The following TBC1D32 variants were observed in gnomAD, a reference collection of about 807,000 sequenced individuals.
The protein encoded by TBC1D32 is protein broad-minded.
A neutral mutation model predicts 170.3 loss-of-function variants in TBC1D32; 151 were observed. That is an observed-to-expected ratio of 0.89 (90% CI 0.78 to 1.01). TBC1D32 has a LOEUF of 1.01. Among genes scored for constraint, TBC1D32 ranks in the 50% least tolerant of loss-of-function variants. The pLI, the probability that TBC1D32 is intolerant of heterozygous loss-of-function variation, is 0.00. For missense variants in TBC1D32, 1,464 were observed against 1,457.1 expected (o/e 1.00, Z -0.08); for synonymous variants, 498 against 488.0 (o/e 1.02, Z -0.27).
At chr6:121,228,760 A>T (rs1795360053) in intron 20 of TBC1D32, among the ~76,000 whole-genome samples, 1 of 152,122 alleles carries the variant, frequency 6.6e-6, no homozygotes, top group African/African-American at 2.4e-5. Flanking sequence ...TCAAATGGTT[A>T]ATAGTGGTAT....
intron 30 of TBC1D32, among the ~76,000 whole-genome samples, chr6:121,100,704 A>C (rs1777940626): frequency 6.6e-6 from 1 of 152,104 alleles, no homozygotes; most frequent in Admixed American, 6.6e-5. Flanking sequence ...AACACATTCA[A>C]AAGCTAGCAG....
intron 15 of TBC1D32, among the ~76,000 whole-genome samples, chr6:121,274,938 A>T (rs1802017749): frequency 6.6e-6 from 1 of 152,218 alleles, no homozygotes; most frequent in African/African-American, 2.4e-5. Flanking sequence ...CTGCAGTGAC[A>T]GCTAAGTACA....
At chr6:121,268,692 A>G (rs1186215935) in intron 15 of TBC1D32, among the ~76,000 whole-genome samples, 2 of 152,146 alleles carry the variant, frequency 1.3e-5, no homozygotes, top group Non-Finnish European at 1.5e-5. Context: ...GTTCTTCAGG[A>G]TATTATCCAG....
chr6:121,136,625 T>C (rs1782112836), intron 24 of TBC1D32, among the ~76,000 whole-genome samples: 1 of 151,936 alleles, frequency 6.6e-6, no homozygotes. Context: ...CGAAAAAAAT[T>C]AATGGTAGTA....
At position 121,299,476 on chromosome 6, in the gene TBC1D32, T is replaced by G; in HGVS notation, c.1110A>C (p.Leu370Phe). The change falls in exon 10 of 32, where the codon TTA becomes TTC. Residue 370 changes from leucine to phenylalanine, a missense_variant. Physicochemically the swap from Leu to Phe is conservative, Grantham distance 22. Coordinates refer to ENST00000398212, the MANE Select transcript of TBC1D32 (RefSeq NM_152730.6). ...ACTTATATTTCGTTTCAAGAAGTCTTAATACTGTAGTTCTGCTATAATGTG... is the reference window on the plus strand; with the variant it reads ...ACTTATATTTCGTTTCAAGAAGTCTGAATACTGTAGTTCTGCTATAATGTG... ...MHAHYSRTTV[L>F]RLLETKYKSL... is the part of the protein sequence containing the mutation. The G allele has an allele frequency of 6.6e-7, 1 of 1,512,744 alleles. No homozygotes were observed. The highest frequency in any genetic ancestry group is 9.0e-7 in the Non-Finnish European group (1 of 1,105,218). 93.7% of individuals were successfully genotyped at this position (1,512,744 alleles called of 1,614,324 possible). A position where few individuals can be genotyped will look rare whatever the true frequency, so the allele number is the denominator to read the frequency against.
At chr6:121,162,162 T>C (rs1000434844) in intron 22 of TBC1D32, among the ~76,000 whole-genome samples, 2 of 152,214 alleles carry the variant, frequency 1.3e-5, no homozygotes, top group Non-Finnish European at 2.9e-5. Flanking sequence ...ACTCTGATGA[T>C]AGTTTATTTT....
At chr6:121,282,099 G>T (rs1200555622) in intron 13 of TBC1D32, among the ~76,000 whole-genome samples, 1 of 151,250 alleles carries the variant, frequency 6.6e-6, no homozygotes. Context: ...TGAGCCTACA[G>T]GAAAATTACA....
chr6:121,177,311 G>A (rs946785304), intron 22 of TBC1D32, among the ~76,000 whole-genome samples: 1 of 152,040 alleles, frequency 6.6e-6, no homozygotes, highest in African/African-American at 2.4e-5. Context: ...GAGTTCTCAT[G>A]AGATCTGGTT....
intron 24 of TBC1D32, among the ~76,000 whole-genome samples, chr6:121,136,410 A>G (rs1782082702): frequency 6.6e-6 from 1 of 152,190 alleles, no homozygotes; most frequent in Non-Finnish European, 1.5e-5. Context: ...TTTGCTCCCC[A>G]GGGAACATTT....
intron 24 of TBC1D32, among the ~76,000 whole-genome samples, chr6:121,147,107 TA>T (rs1257443317): frequency 1.3e-5 from 2 of 152,224 alleles, no homozygotes; most frequent in Non-Finnish European, 2.9e-5. Context: ...GCACTTAGAA[TA>T]ATGGCATCCA....
intron 30 of TBC1D32, among the ~76,000 whole-genome samples, chr6:121,092,137 T>G (rs1776867597): frequency 6.6e-6 from 1 of 152,086 alleles, no homozygotes; most frequent in South Asian, 2.1e-4. Context: ...ATTTCTGTTG[T>G]TTTTAGCCAC....
At position 121,174,849 on chromosome 6, in the gene TBC1D32, AG is replaced by A. The variant is rs1787538405; in HGVS notation, c.2571-13794del. On this transcript the variant is annotated intron_variant, in intron 22 of 31. Transcript: ENST00000398212. ...AATTCGAGGCCAGCCTGGGCAACATAGCAAAACCTGTCTCTATTAAAAATAC... is the reference window on the plus strand; with the variant it reads ...AATTCGAGGCCAGCCTGGGCAACATACAAAACCTGTCTCTATTAAAAATAC... Among the ~76,000 whole-genome samples the A allele has an allele frequency of 1.3e-5, 2 of 152,090 alleles. 1 individual carries two copies. The highest frequency in any genetic ancestry group is 4.2e-4 in the South Asian group (2 of 4,816).
At chr6:121,139,125 A>C (rs785398) in intron 24 of TBC1D32, among the ~76,000 whole-genome samples, 150,547 of 152,268 alleles carry the variant, frequency 0.99, 74,454 homozygotes, top group East Asian at 1. Context: ...GGATTACAGG[A>C]GTGAGCTACC....
chr6:121,114,191 C>G (rs571622276), intron 27 of TBC1D32, among the ~76,000 whole-genome samples: 6 of 152,128 alleles, frequency 3.9e-5, no homozygotes, highest in African/African-American at 1.4e-4. Context: ...CACACAAAAT[C>G]TCTTTGCTCG....
chr6:121,221,003 ATAG>A (rs1794454194), intron 21 of TBC1D32, among the ~76,000 whole-genome samples: 2 of 151,608 alleles, frequency 1.3e-5, no homozygotes, highest in African/African-American at 2.4e-5. Flanking sequence ...TAGGATTTTC[ATAG>A]CTAGAAAGGA....
intron 1 of TBC1D32, among the ~76,000 whole-genome samples, chr6:121,333,015 C>T (rs1485825729): frequency 6.6e-6 from 1 of 152,058 alleles, no homozygotes; most frequent in Non-Finnish European, 1.5e-5. Context: ...AAATACTCCC[C>T]CTATAAAACT....
intron 25 of TBC1D32, among the ~76,000 whole-genome samples, chr6:121,127,875 A>G (rs1781020449): frequency 6.6e-6 from 1 of 152,194 alleles, no homozygotes; most frequent in South Asian, 2.1e-4. Context: ...GCTACACGCT[A>G]TGTATTTAAG....
At chr6:121,153,475 G>C (rs1225174897) in intron 24 of TBC1D32, among the ~76,000 whole-genome samples, 1 of 152,150 alleles carries the variant, frequency 6.6e-6, no homozygotes, top group Non-Finnish European at 1.5e-5. Flanking sequence ...TGGGGTCAGG[G>C]ACCCACTTGA....
At chr6:121,229,991 C>T in intron 20 of TBC1D32, among the ~76,000 whole-genome samples, 1 of 152,048 alleles carries the variant, frequency 6.6e-6, no homozygotes, top group Non-Finnish European at 1.5e-5. Context: ...TGCCTTGCTT[C>T]CCCTCCGCCT....
Sources: gnomAD v4.1 joint callset for allele counts (sites outside exome capture counted in the v4.1 genomes callset) on GRCh38, gnomAD v4.1.1 for gene constraint, MANE v1.5 for transcripts, NCBI Gene and HGNC (gene_info 2026-07-23, HGNC 2026-07-21) for gene names.